The following UNC79 variants were observed in gnomAD, a reference collection of about 807,000 sequenced individuals.
The protein encoded by UNC79 is protein unc-79 homolog.
UNC79 carries 37 observed loss-of-function variants against 283.1 expected under a neutral mutation model. The ratio of observed to expected loss-of-function variants is 0.13; its 90% CI spans 0.10 to 0.17. The LOEUF (loss-of-function observed/expected upper bound fraction) is 0.17, where lower values mean the gene tolerates loss of function less well. UNC79 is among the 10% of genes least tolerant of loss of function. The pLI, the probability that UNC79 is intolerant of heterozygous loss-of-function variation, is 1.00. For synonymous variants in UNC79, 1,107 were observed against 1,200.2 expected (o/e 0.92, Z 1.61); for missense variants, 2,272 against 3,211.1 (o/e 0.71, Z 7.07).
At chr14:93,469,639 G>GA (rs1406893530) in intron 2 of UNC79, among the ~76,000 whole-genome samples, 1 of 152,040 alleles carries the variant, frequency 6.6e-6, no homozygotes, top group African/African-American at 2.4e-5. Context: ...TTAGCAACCA[G>GA]AAGTCTCAAA....
chr14:93,562,131 G>A (rs1463867214), intron 14 of UNC79, among the ~76,000 whole-genome samples: 1 of 152,190 alleles, frequency 6.6e-6, no homozygotes, highest in Non-Finnish European at 1.5e-5. Context: ...CTGTCCAATG[G>A]ACACAGCTTT....
intron 1 of UNC79, among the ~76,000 whole-genome samples, chr14:93,344,812 A>C (rs759078741): frequency 2.6e-5 from 4 of 152,244 alleles, no homozygotes; most frequent in Non-Finnish European, 4.4e-5. Context: ...AAGACTGAGA[A>C]CAAGGAGATG....
chr14:93,369,125 C>T (rs1375893970), intron 1 of UNC79, among the ~76,000 whole-genome samples: 1 of 152,182 alleles, frequency 6.6e-6, no homozygotes, highest in Non-Finnish European at 1.5e-5. Flanking sequence ...CACAACACAA[C>T]ATACATTAAC....
At chr14:93,440,236 G>A (rs187102929) in intron 1 of UNC79, among the ~76,000 whole-genome samples, 1 of 146,184 alleles carries the variant, frequency 6.8e-6, no homozygotes, top group African/African-American at 2.5e-5. Flanking sequence ...CCTGCAGAAG[G>A]TTAGGGGTGG....
intron 1 of UNC79, among the ~76,000 whole-genome samples, chr14:93,362,685 G>T (rs1213667364): frequency 6.6e-6 from 1 of 152,070 alleles, no homozygotes; most frequent in African/African-American, 2.4e-5. Flanking sequence ...GTTTGTTCAG[G>T]GTTCCAATTT....
chr14:93,517,998 TAGATTTAATTTTCTA>T (rs1277914538), intron 7 of UNC79, among the ~76,000 whole-genome samples: 1 of 151,986 alleles, frequency 6.6e-6, no homozygotes, highest in Admixed American at 6.6e-5. Context: ...ATTATATTGC[TAGATTTAATTTTCTA>T]AGTTAAGTGT....
chr14:93,389,164 G>C (rs375965386), intron 1 of UNC79, among the ~76,000 whole-genome samples: 4 of 152,136 alleles, frequency 2.6e-5, no homozygotes, highest in African/African-American at 9.7e-5. Context: ...GGTTAGGATG[G>C]CTCCTCAAGG....
chr14:93,615,617 G>A (rs2066642432), intron 27 of UNC79, among the ~76,000 whole-genome samples: 1 of 150,092 alleles, frequency 6.7e-6, no homozygotes, highest in Admixed American at 6.7e-5. Context: ...AGCTACATGG[G>A]AGACTGAGGC....
At chr14:93,578,163 A>G (rs2063576391) in intron 18 of UNC79, 100 bp downstream of exon 18, 1 of 1,164,250 alleles carries the variant, frequency 8.6e-7, no homozygotes, top group African/African-American at 1.5e-5. Flanking sequence ...ACACTTATCA[A>G]AATGATTCAG....
At chr14:93,626,832 A>G (rs968490376) in intron 30 of UNC79, among the ~76,000 whole-genome samples, 5 of 152,188 alleles carry the variant, frequency 3.3e-5, no homozygotes, top group Non-Finnish European at 7.4e-5. Flanking sequence ...GTTAGTATAG[A>G]GTTTGGAAGA....
At chr14:93,662,689 G>A (rs1458630362) in exon 40 of UNC79, 1 of 1,610,278 alleles carries the variant, frequency 6.2e-7, no homozygotes, top group Non-Finnish European at 8.5e-7. Context: ...GAGCTGTGTG[G>A]CTTATGTTAC....
intron 1 of UNC79, among the ~76,000 whole-genome samples, chr14:93,377,493 A>G (rs2054585850): frequency 6.6e-6 from 1 of 152,190 alleles, no homozygotes; most frequent in South Asian, 2.1e-4. Context: ...GAGAGAAGGC[A>G]AGAGTTGGAA....
intron 32 of UNC79, among the ~76,000 whole-genome samples, chr14:93,637,591 G>T (rs2068625690): frequency 6.6e-6 from 1 of 152,158 alleles, no homozygotes; most frequent in South Asian, 2.1e-4. Flanking sequence ...AGGAGTAGCT[G>T]GGATTACAGG....
intron 1 of UNC79, among the ~76,000 whole-genome samples, chr14:93,460,475 A>G (rs1331547092): frequency 6.8e-6 from 1 of 147,876 alleles, no homozygotes; most frequent in African/African-American, 2.5e-5. Context: ...GTGCCACTGC[A>G]CTTCAGCCTG....
chr14:93,705,468 G>A (rs2075817291), intron 48 of UNC79, among the ~76,000 whole-genome samples: 2 of 151,424 alleles, frequency 1.3e-5, no homozygotes, highest in Admixed American at 6.6e-5. Context: ...GAAGAATTCT[G>A]TTATGACAGG....
intron 7 of UNC79, among the ~76,000 whole-genome samples, chr14:93,507,764 G>T (rs1163466585): frequency 5.3e-5 from 8 of 152,046 alleles, no homozygotes; most frequent in African/African-American, 1.9e-4. Flanking sequence ...TGCCTTTCAT[G>T]TCCTGTCTAA....
intron 32 of UNC79, among the ~76,000 whole-genome samples, chr14:93,638,111 A>G (rs984168645): frequency 6.6e-6 from 1 of 152,234 alleles, no homozygotes; most frequent in African/African-American, 2.4e-5. Context: ...TTGAGAAGGC[A>G]GATTAACCTA....
chr14:93,583,978 T>A (rs2064024077), intron 20 of UNC79, among the ~76,000 whole-genome samples: 1 of 152,010 alleles, frequency 6.6e-6, no homozygotes, highest in African/African-American at 2.4e-5. Context: ...GCTAGTTTTT[T>A]AAACTTTTTG....
chr14:93,423,772 CTT>C (rs2055662411), intron 1 of UNC79, among the ~76,000 whole-genome samples: 1 of 152,084 alleles, frequency 6.6e-6, no homozygotes, highest in African/African-American at 2.4e-5. Context: ...TAAAAGAAAA[CTT>C]TGGGGAAAAT....
Sources: allele counts gnomAD v4.1 joint callset (sites outside exome capture counted in the v4.1 genomes callset), GRCh38; gene constraint gnomAD v4.1.1; transcripts MANE v1.5; gene names NCBI Gene and HGNC (gene_info 2026-07-23, HGNC 2026-07-21).